The following SEMA6A variants were observed in gnomAD, a reference collection of about 807,000 sequenced individuals.
SEMA6A encodes semaphorin-6A.
Under a neutral mutation model 96.8 loss-of-function variants are expected in SEMA6A, and 25 were observed. The observed-to-expected ratio is 0.26, with a 90% CI of 0.19 to 0.36. The LOEUF (loss-of-function observed/expected upper bound fraction) is 0.36, where lower values mean the gene tolerates loss of function less well. Among genes scored for constraint, SEMA6A ranks in the 10% least tolerant of loss-of-function variants. The pLI, the probability that SEMA6A is intolerant of heterozygous loss-of-function variation, is 1.00. For missense variants in SEMA6A, 1,363 were observed against 1,323.1 expected (o/e 1.03, Z -0.47); for synonymous variants, 612 against 518.0 (o/e 1.18, Z -2.46).
chr5:116,477,967 C>T, intron 14 of SEMA6A, 41 bp from the exon 15 acceptor site: 1 of 1,613,902 alleles, frequency 6.2e-7, no homozygotes, highest in South Asian at 1.1e-5. Context: ...AGGACTGTTT[C>T]CTAGCCACCA....
intron 1 of SEMA6A, among the ~76,000 whole-genome samples, chr5:116,563,147 G>A (rs748112044): frequency 3.9e-5 from 6 of 152,166 alleles, no homozygotes; most frequent in African/African-American, 9.7e-5. Context: ...CTTGGGCAAA[G>A]GAAATGCTGC....
At chr5:116,531,850 A>C (rs185837731) in intron 1 of SEMA6A, among the ~76,000 whole-genome samples, 3 of 152,112 alleles carry the variant, frequency 2.0e-5, no homozygotes, top group Non-Finnish European at 4.4e-5. Context: ...AGTCACCTTT[A>C]GTTACTTGTT....
At chr5:116,484,272 A>AGAT in intron 10 of SEMA6A, among the ~76,000 whole-genome samples, 1 of 152,190 alleles carries the variant, frequency 6.6e-6, no homozygotes, top group Non-Finnish European at 1.5e-5. Context: ...TAATAACTAA[A>AGAT]GATATCCTAG....
At chr5:116,496,090 T>C in intron 5 of SEMA6A, 161 bp downstream of exon 5, 2 of 609,380 alleles carry the variant, frequency 3.3e-6, no homozygotes, top group South Asian at 1.9e-5. Flanking sequence ...AAAAGCAAAC[T>C]ATTTTTGCAA....
chr5:116,531,450 C>T (rs1267567421), intron 1 of SEMA6A, among the ~76,000 whole-genome samples: 1 of 152,066 alleles, frequency 6.6e-6, no homozygotes, highest in Admixed American at 6.6e-5. Context: ...TAAAGGCCCT[C>T]CTGTTCGACT....
Position 116,512,844 on chromosome 5 carries a change from G to A in SEMA6A, c.-38-7862C>T, listed in dbSNP as rs144486180. 5.8e-3 allele frequency among the ~76,000 whole-genome samples: 884 copies of A among 152,314 alleles called. 9 individuals are homozygous for A. The highest frequency in any genetic ancestry group is 0.01 in the Middle Eastern group (3 of 294). Reference sequence around the variant, plus strand: ...AGTCACGACCTTAGTAGGCCTGAAAGTATTGTGGCAAACTCTGTCTTTATC... The same window carrying A: ...AGTCACGACCTTAGTAGGCCTGAAAATATTGTGGCAAACTCTGTCTTTATC... On this transcript the variant is annotated intron_variant, in intron 1 of 18. Coordinates refer to ENST00000343348, the MANE Select transcript of SEMA6A (RefSeq NM_020796.5).
At chr5:116,566,950 C>T (rs577229541) in intron 1 of SEMA6A, among the ~76,000 whole-genome samples, 73 of 152,252 alleles carry the variant, frequency 4.8e-4, no homozygotes, top group Non-Finnish European at 4.0e-4. Flanking sequence ...AATCAGCAGC[C>T]GAGTTTCTCT....
chr5:116,451,227 C>T (rs1754613672), intron 18 of SEMA6A, among the ~76,000 whole-genome samples: 1 of 152,194 alleles, frequency 6.6e-6, no homozygotes. Flanking sequence ...AGCTTAAATG[C>T]TGTAGTTTGC....
At chr5:116,545,879 T>C (rs920609326) in intron 1 of SEMA6A, among the ~76,000 whole-genome samples, 3 of 152,198 alleles carry the variant, frequency 2.0e-5, no homozygotes, top group Non-Finnish European at 4.4e-5. Flanking sequence ...TATCCTGCCA[T>C]CTTCATGGCC....
chr5:116,498,608 G>C (rs1482930103), intron 3 of SEMA6A: 1 of 151,940 alleles, frequency 6.6e-6, no homozygotes, highest in Non-Finnish European at 1.5e-5. Flanking sequence ...CGTGGTAAGG[G>C]GTGGAGGAGT....
intron 1 of SEMA6A, among the ~76,000 whole-genome samples, chr5:116,521,527 C>G (rs1054572018): frequency 2.0e-5 from 3 of 152,210 alleles, no homozygotes; most frequent in Admixed American, 6.5e-5. Flanking sequence ...GGTGGGGACA[C>G]TGGCTCTGTC....
chr5:116,458,513 T>C (rs887421366), intron 18 of SEMA6A, among the ~76,000 whole-genome samples: 3 of 152,102 alleles, frequency 2.0e-5, no homozygotes, highest in East Asian at 1.9e-4. Flanking sequence ...AGAAGGTGAA[T>C]TGATTTTTTT....
intron 18 of SEMA6A, among the ~76,000 whole-genome samples, chr5:116,465,839 C>T (rs748240788): frequency 4.6e-5 from 7 of 152,110 alleles, no homozygotes; most frequent in Non-Finnish European, 7.4e-5. Flanking sequence ...TCAGAAAAAA[C>T]GCAGTGGGCA....
At chr5:116,540,563 T>C (rs1014648721) in intron 1 of SEMA6A, among the ~76,000 whole-genome samples, 3 of 152,186 alleles carry the variant, frequency 2.0e-5, no homozygotes, top group Admixed American at 6.5e-5. Flanking sequence ...TTCCCACATG[T>C]CACTTTCATC....
intron 18 of SEMA6A, among the ~76,000 whole-genome samples, chr5:116,464,728 T>C (rs1271196125): frequency 6.6e-6 from 1 of 151,924 alleles, no homozygotes; most frequent in African/African-American, 2.4e-5. Context: ...CAGGATTAAA[T>C]CAAGACGAAA....
At chr5:116,536,216 T>C (rs761012533) in intron 1 of SEMA6A, 1 of 152,162 alleles carries the variant, frequency 6.6e-6, no homozygotes, top group East Asian at 1.9e-4. Context: ...CCTGTTGGAA[T>C]TGGATTAGCC....
intron 17 of SEMA6A, among the ~76,000 whole-genome samples, chr5:116,469,893 A>G (rs1040944181): frequency 6.6e-6 from 1 of 152,210 alleles, no homozygotes; most frequent in African/African-American, 2.4e-5. Flanking sequence ...TTACACAAAT[A>G]TGAGAAATCA....
At chr5:116,525,006 T>A (rs966079296) in intron 1 of SEMA6A, among the ~76,000 whole-genome samples, 10 of 152,244 alleles carry the variant, frequency 6.6e-5, no homozygotes, top group Non-Finnish European at 1.5e-4. Flanking sequence ...ATTTTGCATG[T>A]CTGCCCATTT....
Position 116,497,936 on chromosome 5 carries a change from C to G in SEMA6A, c.219-549G>C, listed in dbSNP as rs143559141. On this transcript the variant is annotated intron_variant, in intron 3 of 18. Transcript: ENST00000343348. ...ATTTCCAGAAGCCACTCTTTTCCCT[C>G]ATAATGATGGTCAATTAAAGTCTAA... Among the ~76,000 whole-genome samples, 970 of 152,310 alleles carry G rather than the reference C, an allele frequency of 6.4e-3. 12 individuals carry two copies. The highest frequency in any genetic ancestry group is 0.023 in the African/African-American group (938 of 41,558).
Sources: gnomAD v4.1 joint callset for allele counts (sites outside exome capture counted in the v4.1 genomes callset) on GRCh38, gnomAD v4.1.1 for gene constraint, MANE v1.5 for transcripts, NCBI Gene and HGNC (gene_info 2026-07-23, HGNC 2026-07-21) for gene names.